The following MTFR1 variants were observed in gnomAD, a reference collection of about 807,000 sequenced individuals.
MTFR1 encodes the protein chondrocyte protein with a poly-proline region.
MTFR1 carries 28 observed loss-of-function variants against 38.8 expected under a neutral mutation model. The ratio of observed to expected loss-of-function variants is 0.72; its 90% CI spans 0.53 to 0.99. The LOEUF (loss-of-function observed/expected upper bound fraction) is 0.99. Ranked by LOEUF, MTFR1 falls within the 50% of genes least tolerant of loss-of-function variation. The pLI is 0.00. For missense variants in MTFR1, 358 were observed against 395.5 expected, an observed-to-expected ratio of 0.91 and a Z score of 0.81; for synonymous variants, 145 against 137.0, an observed-to-expected ratio of 1.06 and a Z score of -0.41.
At chr8:65,768,421 G>T (rs1808909380) in intron 3 of MTFR1, among the ~76,000 whole-genome samples, 1 of 152,112 alleles carries the variant, frequency 6.6e-6, no homozygotes, top group South Asian at 2.1e-4. Flanking sequence ...AGTCTCAGGA[G>T]ATCTCATGGT....
chr8:65,715,458 AC>A (rs1806095570), downstream of MTFR1, among the ~76,000 whole-genome samples: 1 of 151,084 alleles, frequency 6.6e-6, no homozygotes. Context: ...GCTCCTTGCA[AC>A]CTCCGCCACC....
chr8:65,762,851 T>C (rs572398599), intron 3 of MTFR1, among the ~76,000 whole-genome samples: 33 of 152,220 alleles, frequency 2.2e-4, no homozygotes, highest in African/African-American at 7.7e-4. Flanking sequence ...AAAACAAGTA[T>C]ATTGGCCAAG....
At chr8:65,732,152 C>A (rs1194666815) in intron 3 of MTFR1, among the ~76,000 whole-genome samples, 1 of 152,066 alleles carries the variant, frequency 6.6e-6, no homozygotes, top group Non-Finnish European at 1.5e-5. Flanking sequence ...GCACCCGCCA[C>A]CATGCCCAGC....
downstream of MTFR1, among the ~76,000 whole-genome samples, chr8:65,773,776 C>A (rs147595043): frequency 4.6e-5 from 7 of 152,228 alleles, no homozygotes; most frequent in African/African-American, 1.4e-4. Context: ...ATACTTCTAA[C>A]AATCTAATCA....
Position 65,693,675 on chromosome 8 carries a change from G to C in MTFR1, c.197G>C (p.Ser66Thr). The change falls in exon 4 of 8, where the codon AGC becomes ACC. Residue 66 changes from serine (S) to threonine (T), a missense_variant. Physicochemically the swap from Ser to Thr is moderately conservative, Grantham distance 58. Coordinates refer to ENST00000262146, the MANE Select transcript of MTFR1 (RefSeq NM_014637.4). ...INSHATEWSP[S>T]HPGEDAVASF... ...AGCCATGCAACAGAATGGAGTCCCA[G>C]CCACCCAGGAGAGGATGCAGTGGCG... The C allele has an allele frequency of 6.2e-7, 1 of 1,614,144 alleles. No homozygotes were observed. Among genetic ancestry groups the C allele is most frequent in the Non-Finnish European group, 8.5e-7 (1 of 1,180,002 alleles).
At chr8:65,681,762 G>A (rs907694360) in intron 2 of MTFR1, among the ~76,000 whole-genome samples, 3 of 141,382 alleles carry the variant, frequency 2.1e-5, no homozygotes, top group Non-Finnish European at 4.5e-5. Flanking sequence ...GAGAAATTCT[G>A]CTCAGATGAA....
At chr8:65,777,004 CTGTT>C in the MTFR1 span, among the ~76,000 whole-genome samples, 402 of 150,558 alleles carry the variant, frequency 2.7e-3, 1 homozygote, top group Non-Finnish European at 4.4e-3. Context: ...ATGTTTCAGA[CTGTT>C]TAAGTTTTTC....
intron 3 of MTFR1, among the ~76,000 whole-genome samples, chr8:65,764,173 T>C (rs1290936103): frequency 6.6e-6 from 1 of 152,164 alleles, no homozygotes; most frequent in Non-Finnish European, 1.5e-5. Context: ...GCATGGGTGA[T>C]AGAAAAGACA....
intron 1 of MTFR1, among the ~76,000 whole-genome samples, chr8:65,651,239 G>A (rs915826992): frequency 6.6e-6 from 1 of 152,086 alleles, no homozygotes; most frequent in Middle Eastern, 3.2e-3. Flanking sequence ...TTTCCGTTCT[G>A]TGGGTTGTCT....
intron 2 of MTFR1, among the ~76,000 whole-genome samples, chr8:65,678,606 T>TA (rs1373400885): frequency 6.6e-6 from 1 of 152,052 alleles, no homozygotes; most frequent in Non-Finnish European, 1.5e-5. Flanking sequence ...TCCTTATAAT[T>TA]AAAAGCTGAA....
At chr8:65,645,045 C>CTGAG (rs921353332) in intron 1 of MTFR1, among the ~76,000 whole-genome samples, 2 of 152,200 alleles carry the variant, frequency 1.3e-5, no homozygotes, top group African/African-American at 4.8e-5. Flanking sequence ...GCCCTGAAGG[C>CTGAG]TGAGACTCGC....
intron 1 of MTFR1, among the ~76,000 whole-genome samples, chr8:65,662,386 G>T (rs1282287652): frequency 6.6e-6 from 1 of 151,708 alleles, no homozygotes; most frequent in Non-Finnish European, 1.5e-5. Context: ...AGACGGAGTC[G>T]CGTTCACTCA....
chr8:65,719,926 TG>T (rs1312269748), intron 3 of MTFR1, among the ~76,000 whole-genome samples: 1 of 152,250 alleles, frequency 6.6e-6, no homozygotes, highest in Non-Finnish European at 1.5e-5. Flanking sequence ...GAAGTGGAGC[TG>T]GCAGTAGTCT....
intron 3 of MTFR1, among the ~76,000 whole-genome samples, chr8:65,734,479 CACTGAGTCAGACCAAGGCT>C (rs1807037866): frequency 6.6e-6 from 1 of 152,198 alleles, no homozygotes; most frequent in Non-Finnish European, 1.5e-5. Context: ...CTCATTCATT[CACTGAGTCAGACCAAGGCT>C]GTCCCTGCCC....
intron 3 of MTFR1, among the ~76,000 whole-genome samples, chr8:65,755,695 T>C (rs1247267288): frequency 6.6e-6 from 1 of 152,254 alleles, no homozygotes; most frequent in East Asian, 1.9e-4. Context: ...TTTACTTGTG[T>C]AGTAACCTTT....
chr8:65,652,490 T>C (rs1162301804), intron 1 of MTFR1, among the ~76,000 whole-genome samples: 2 of 152,196 alleles, frequency 1.3e-5, no homozygotes. Context: ...TGCTTTGGCC[T>C]CCCAAGGTGC....
intron 3 of MTFR1, among the ~76,000 whole-genome samples, chr8:65,693,042 G>A (rs1368116077): frequency 4.6e-5 from 7 of 151,334 alleles, no homozygotes; most frequent in African/African-American, 1.7e-4. Context: ...AATCTCTTTA[G>A]AAAAAAGTGG....
intron 2 of MTFR1, among the ~76,000 whole-genome samples, chr8:65,670,672 A>T (rs1804544002): frequency 6.6e-6 from 1 of 151,602 alleles, no homozygotes; most frequent in South Asian, 2.1e-4. Context: ...TTTATTGAAG[A>T]TACAGGCAGG....
intron 1 of MTFR1, among the ~76,000 whole-genome samples, chr8:65,655,565 A>G (rs1809231802): frequency 6.6e-6 from 1 of 152,176 alleles, no homozygotes; most frequent in Admixed American, 6.6e-5. Flanking sequence ...GTTTTATAGT[A>G]TGGTAAAGTG....
Sources: allele counts gnomAD v4.1 joint callset (sites outside exome capture counted in the v4.1 genomes callset), GRCh38; gene constraint gnomAD v4.1.1; transcripts MANE v1.5; gene names NCBI Gene and HGNC (gene_info 2026-07-23, HGNC 2026-07-21).